Variants in LRP1B observed in about 807,000 individuals in gnomAD.
The protein encoded by LRP1B is low-density lipoprotein receptor-related protein 1B.
LRP1B carries 217 observed loss-of-function variants against 556.6 expected under a neutral mutation model. The observed-to-expected ratio is 0.39, with a 90% CI of 0.35 to 0.44. The LOEUF is 0.44. LRP1B is among the 20% of genes least tolerant of loss of function. The pLI is 1.00. For missense variants in LRP1B, 5,053 were observed against 5,620.8 expected (o/e 0.90, Z 3.23); for synonymous variants, 2,047 against 1,865.8 (o/e 1.10, Z -2.50).
chr2:141,105,100 G>T lies in LRP1B; in HGVS notation c.1014-42827C>A, dbSNP rs145546358. On this transcript the variant is annotated intron_variant, in intron 7 of 90. Transcript: ENST00000389484. ...ATCCAATAAGTACTACATAATAATT[G>T]CTAACCATCAAAGTCTGCATTTATC... Among the ~76,000 whole-genome samples, 19 of 152,082 alleles carry T rather than the reference G, an allele frequency of 1.2e-4. No homozygotes were observed. In the East Asian group the frequency reaches 3.3e-3, roughly 26 times the overall value.
intron 3 of LRP1B, among the ~76,000 whole-genome samples, chr2:141,345,428 T>C (rs1688213803): frequency 6.6e-6 from 1 of 152,094 alleles, no homozygotes; most frequent in Admixed American, 6.6e-5. Context: ...CACAATTCTA[T>C]TTTCATTCCT....
chr2:141,821,430 T>G (rs536937895), intron 1 of LRP1B, among the ~76,000 whole-genome samples: 1 of 152,316 alleles, frequency 6.6e-6, no homozygotes, highest in South Asian at 2.1e-4. Flanking sequence ...TTACATAAAT[T>G]GGCTTTTCTT....
chr2:140,780,144 A>G (rs1437317354), intron 32 of LRP1B, among the ~76,000 whole-genome samples: 1 of 152,180 alleles, frequency 6.6e-6, no homozygotes, highest in East Asian at 1.9e-4. Context: ...GCAGACAGCT[A>G]TAAGAGATTT....
intron 35 of LRP1B, among the ~76,000 whole-genome samples, chr2:140,764,864 T>C (rs1342349272): frequency 6.6e-6 from 1 of 152,194 alleles, no homozygotes; most frequent in African/African-American, 2.4e-5. Context: ...GGTAAATGTA[T>C]ACTGACATGT....
intron 1 of LRP1B, among the ~76,000 whole-genome samples, chr2:142,000,533 A>G (rs1702623245): frequency 6.6e-6 from 1 of 152,228 alleles, no homozygotes; most frequent in Non-Finnish European, 1.5e-5. Context: ...CATACTAAGA[A>G]TAAGATGACT....
At position 141,057,637 on chromosome 2, in the gene LRP1B, T is replaced by C. The variant is rs549957494; in HGVS notation, c.1408+1246A>G. ...GGGGGGTTTTCCTGCACAAGCTCTCTGTCTGTGGCTATCCACATAAGATGT... is the reference window on the plus strand; with the variant it reads ...GGGGGGTTTTCCTGCACAAGCTCTCCGTCTGTGGCTATCCACATAAGATGT... On this transcript the variant is annotated intron_variant, in intron 9 of 90. Coordinates refer to ENST00000389484, the MANE Select transcript of LRP1B (RefSeq NM_018557.3). Among the ~76,000 whole-genome samples, 6 of 152,008 alleles carry C rather than the reference T, an allele frequency of 3.9e-5. No homozygotes were observed. In the South Asian group the frequency reaches 8.3e-4, roughly 21 times the overall value.
chr2:140,331,973 A>T (rs2105078356), intron 79 of LRP1B, among the ~76,000 whole-genome samples: 1 of 152,170 alleles, frequency 6.6e-6, no homozygotes, highest in African/African-American at 2.4e-5. Context: ...CTGGGATTAC[A>T]GACATGAGCC....
At chr2:141,484,367 C>T (rs1247194956) in intron 2 of LRP1B, among the ~76,000 whole-genome samples, 1 of 149,440 alleles carries the variant, frequency 6.7e-6, no homozygotes, top group African/African-American at 2.4e-5. Context: ...TTACTGTAGC[C>T]TTGTAGTATA....
intron 2 of LRP1B, among the ~76,000 whole-genome samples, chr2:141,731,758 CT>C (rs1334233076): frequency 1.3e-5 from 2 of 152,088 alleles, no homozygotes; most frequent in African/African-American, 4.8e-5. Flanking sequence ...TCTTGCTTTC[CT>C]TATCTATGAA....
chr2:141,810,113 AAAAG>A (rs67681645), intron 2 of LRP1B, among the ~76,000 whole-genome samples, 162 bp downstream of exon 2: 8,947 of 77,622 alleles, frequency 0.12, 294 homozygotes, highest in African/African-American at 0.15. Context: ...GAAAGAAAGA[AAAAG>A]AAAGAAAGAA....
At chr2:140,725,150 AAC>A in intron 35 of LRP1B, among the ~76,000 whole-genome samples, 1 of 152,194 alleles carries the variant, frequency 6.6e-6, no homozygotes, top group East Asian at 1.9e-4. Context: ...TGAGAAATAT[AAC>A]AGTTAACACT....
chr2:142,028,055 C>T (rs1403288651), intron 1 of LRP1B, among the ~76,000 whole-genome samples: 1 of 151,946 alleles, frequency 6.6e-6, no homozygotes, highest in Non-Finnish European at 1.5e-5. Flanking sequence ...TTTAATCACT[C>T]ATTCATTTAC....
intron 3 of LRP1B, among the ~76,000 whole-genome samples, chr2:141,419,848 TATTTC>T (rs146638891): frequency 6.6e-5 from 10 of 151,150 alleles, no homozygotes; most frequent in Admixed American, 1.3e-4. Context: ...TTGAGATCTT[TATTTC>T]ATTTCATTTC....
At chr2:140,600,836 T>C (rs1397187419) in intron 42 of LRP1B, among the ~76,000 whole-genome samples, 3 of 144,398 alleles carry the variant, frequency 2.1e-5, no homozygotes, top group Non-Finnish European at 4.6e-5. Flanking sequence ...ACACAATTTT[T>C]TTCTTTGTTT....
At chr2:141,998,918 T>G (rs1702577793) in intron 1 of LRP1B, among the ~76,000 whole-genome samples, 1 of 152,188 alleles carries the variant, frequency 6.6e-6, no homozygotes, top group South Asian at 2.1e-4. Context: ...GTTGACAAAC[T>G]GTTAGTTAAT....
At chr2:141,074,608 T>TATATG (rs1168848552) in intron 7 of LRP1B, among the ~76,000 whole-genome samples, 1 of 123,912 alleles carries the variant, frequency 8.1e-6, no homozygotes, top group African/African-American at 2.9e-5. Context: ...TATATATATG[T>TATATG]TTTTTATATA....
At chr2:140,343,144 G>A (rs1681480487) in intron 77 of LRP1B, among the ~76,000 whole-genome samples, 1 of 151,522 alleles carries the variant, frequency 6.6e-6, no homozygotes, top group South Asian at 2.1e-4. Context: ...CTTGGAAGAA[G>A]CAGAATTTTG....
intron 31 of LRP1B, among the ~76,000 whole-genome samples, chr2:140,827,294 T>C (rs1293459219): frequency 2.0e-5 from 3 of 152,076 alleles, no homozygotes; most frequent in Non-Finnish European, 2.9e-5. Flanking sequence ...CTAACCCTAG[T>C]GAGACAGCAA....
chr2:141,315,918 A>G (rs1687015928), intron 3 of LRP1B, among the ~76,000 whole-genome samples: 2 of 58,612 alleles, frequency 3.4e-5, no homozygotes, highest in South Asian at 9.0e-4. Flanking sequence ...TTTTTTTTTT[A>G]ACATCTCTAC....
Sources: allele counts gnomAD v4.1 joint callset (sites outside exome capture counted in the v4.1 genomes callset), GRCh38; gene constraint gnomAD v4.1.1; transcripts MANE v1.5; gene names NCBI Gene and HGNC (gene_info 2026-07-23, HGNC 2026-07-21).